SORCS3: variants seen among roughly 807,000 people sequenced by gnomAD.
SORCS3 encodes VPS10 domain-containing receptor SorCS3.
In SORCS3, 57 loss-of-function variants were observed where a neutral mutation model predicts 146.3. The ratio of observed to expected loss-of-function variants is 0.39; its 90% confidence interval spans 0.31 to 0.49. The LOEUF (loss-of-function observed/expected upper bound fraction) is 0.49. Ranked by LOEUF, SORCS3 falls within the 20% of genes least tolerant of loss-of-function variation. SORCS3 has a pLI of 0.92. For missense variants in SORCS3, 1,341 were observed against 1,575.5 expected, an observed-to-expected ratio of 0.85 and a Z score of 2.52; for synonymous variants, 653 against 618.5, an observed-to-expected ratio of 1.06 and a Z score of -0.83.
intron 8 of SORCS3, among the ~76,000 whole-genome samples, chr10:105,142,363 C>T (rs790725): frequency 0.62 from 94,820 of 151,894 alleles, 31,111 homozygotes; most frequent in African/African-American, 0.84. Context: ...TATGACTTGA[C>T]AAGATTCAGA....
At chr10:104,790,423 C>G (rs1463285578) in intron 1 of SORCS3, among the ~76,000 whole-genome samples, 4 of 152,140 alleles carry the variant, frequency 2.6e-5, no homozygotes, top group Non-Finnish European at 4.4e-5. Flanking sequence ...AGAAAACCTT[C>G]TGGTCCTGAG....
At chr10:104,947,019 C>T (rs145148073) in intron 3 of SORCS3, among the ~76,000 whole-genome samples, 8 of 152,122 alleles carry the variant, frequency 5.3e-5, no homozygotes, top group East Asian at 3.9e-4. Context: ...AGATTGTCTG[C>T]GGTCCCTGGC....
At chr10:105,242,421 TATATATTTATAC>T (rs2056831320) in intron 20 of SORCS3, among the ~76,000 whole-genome samples, 1 of 89,392 alleles carries the variant, frequency 1.1e-5, no homozygotes, top group Non-Finnish European at 2.0e-5. Flanking sequence ...TATATATATT[TATATATTTATAC>T]ATATATTTAT....
intron 3 of SORCS3, among the ~76,000 whole-genome samples, chr10:104,947,905 G>A (rs1162835222): frequency 6.6e-6 from 1 of 152,144 alleles, no homozygotes; most frequent in Non-Finnish European, 1.5e-5. Context: ...GTGAGCCACT[G>A]TGCCCAGCCT....
At chr10:105,186,436 G>A (rs981615739) in intron 14 of SORCS3, among the ~76,000 whole-genome samples, 3 of 152,272 alleles carry the variant, frequency 2.0e-5, no homozygotes, top group Middle Eastern at 3.4e-3. Context: ...GGCAAACTAA[G>A]AGCAGGTACT....
At chr10:105,021,558 C>T (rs1048980730) in intron 4 of SORCS3, among the ~76,000 whole-genome samples, 2 of 152,182 alleles carry the variant, frequency 1.3e-5, no homozygotes, top group Non-Finnish European at 2.9e-5. Flanking sequence ...TGAACTCTGA[C>T]ACATTCCAAT....
intron 3 of SORCS3, among the ~76,000 whole-genome samples, chr10:104,965,909 G>A (rs1413940176): frequency 6.6e-6 from 1 of 151,974 alleles, no homozygotes; most frequent in Non-Finnish European, 1.5e-5. Context: ...GGAAAGGTGG[G>A]GAGTCTAATT....
At position 104,878,100 on chromosome 10, in the gene SORCS3, T is replaced by C. The variant is rs12415497; in HGVS notation, c.695+35241T>C. On this transcript the variant is annotated intron_variant, in intron 2 of 26. Coordinates refer to ENST00000369701, the MANE Select transcript of SORCS3 (RefSeq NM_014978.3). Reference sequence around the variant, plus strand: ...TTTGTTTATGAAATTCTTTTTTTTTTCCATTAGCTCAGGAACAAGAATGTA... The same window carrying C: ...TTTGTTTATGAAATTCTTTTTTTTTCCCATTAGCTCAGGAACAAGAATGTA... 3.2e-3 allele frequency among the ~76,000 whole-genome samples: 487 copies of C among 152,184 alleles called. 2 individuals are homozygous for C. The highest frequency in any genetic ancestry group is 0.01 in the African/African-American group (427 of 41,544).
chr10:104,844,829 C>A (rs1335282550), intron 2 of SORCS3, among the ~76,000 whole-genome samples: 1 of 152,146 alleles, frequency 6.6e-6, no homozygotes, highest in Non-Finnish European at 1.5e-5. Context: ...ACCAGGATGA[C>A]CTCATCTTGA....
intron 6 of SORCS3, among the ~76,000 whole-genome samples, chr10:105,103,600 AC>A (rs1387156453): frequency 6.6e-6 from 1 of 152,188 alleles, no homozygotes; most frequent in Admixed American, 6.5e-5. Flanking sequence ...AACTCTGGAA[AC>A]ACTTCAGAGG....
intron 2 of SORCS3, among the ~76,000 whole-genome samples, chr10:104,846,153 A>C (rs1260810191): frequency 6.6e-6 from 1 of 152,172 alleles, no homozygotes; most frequent in Admixed American, 6.5e-5. Flanking sequence ...GCCCCAGCTT[A>C]GGAGCCACTG....
intron 3 of SORCS3, among the ~76,000 whole-genome samples, chr10:104,971,174 G>C (rs2054858346): frequency 6.6e-6 from 1 of 152,204 alleles, no homozygotes; most frequent in Admixed American, 6.5e-5. Flanking sequence ...CCATGGAATG[G>C]TTTTAAGTGA....
intron 1 of SORCS3, among the ~76,000 whole-genome samples, chr10:104,703,366 G>A (rs964634322): frequency 6.6e-6 from 1 of 152,144 alleles, no homozygotes; most frequent in Non-Finnish European, 1.5e-5. Context: ...TTTCTGCACA[G>A]CCTCGCCAGC....
chr10:104,701,748 T>C (rs1035242788), intron 1 of SORCS3, among the ~76,000 whole-genome samples: 3 of 152,066 alleles, frequency 2.0e-5, no homozygotes, highest in Admixed American at 1.3e-4. Context: ...CAGGCAAGAG[T>C]AGATATTATT....
chr10:104,793,604 C>A (rs1313380234), intron 1 of SORCS3, among the ~76,000 whole-genome samples: 3 of 152,080 alleles, frequency 2.0e-5, no homozygotes, highest in Admixed American at 6.5e-5. Flanking sequence ...AATGAGTTGG[C>A]AAACAATGAG....
At chr10:104,882,382 G>A (rs1039978521) in intron 2 of SORCS3, among the ~76,000 whole-genome samples, 1 of 152,164 alleles carries the variant, frequency 6.6e-6, no homozygotes, top group Non-Finnish European at 1.5e-5. Flanking sequence ...TACTCTTAGA[G>A]CAGAGCTTAG....
intron 20 of SORCS3, among the ~76,000 whole-genome samples, chr10:105,239,959 C>G (rs979879833): frequency 2.0e-5 from 3 of 152,144 alleles, no homozygotes; most frequent in African/African-American, 7.2e-5. Context: ...AAAATTAGCT[C>G]CTGCCATTTT....
chr10:104,853,841 A>C (rs934704793), intron 2 of SORCS3, among the ~76,000 whole-genome samples: 18 of 152,168 alleles, frequency 1.2e-4, no homozygotes, highest in Non-Finnish European at 1.5e-5. Context: ...CATCCCTCCA[A>C]TTATAATATT....
chr10:105,032,620 G>A (rs1435228133), intron 4 of SORCS3, among the ~76,000 whole-genome samples: 1 of 152,042 alleles, frequency 6.6e-6, no homozygotes, highest in African/African-American at 2.4e-5. Context: ...GAATAGCAAG[G>A]TTTTCATTTC....
Sources: gnomAD v4.1 joint callset for allele counts (sites outside exome capture counted in the v4.1 genomes callset) on GRCh38, gnomAD v4.1.1 for gene constraint, MANE v1.5 for transcripts, NCBI Gene and HGNC (gene_info 2026-07-23, HGNC 2026-07-21) for gene names.